Variants in PDGFRL observed in about 807,000 individuals in gnomAD.
PDGFRL encodes the protein platelet-derived growth factor receptor-like protein.
Under a neutral mutation model 37.2 loss-of-function variants are expected in PDGFRL, and 46 were observed. That is an observed-to-expected ratio of 1.24 (90% CI 0.98 to 1.58). The LOEUF is 1.58. Ranked by LOEUF, PDGFRL falls within the 40% of genes most tolerant of loss-of-function variation. PDGFRL has a pLI of 0.00. For missense variants in PDGFRL, 692 were observed against 467.6 expected, an observed-to-expected ratio of 1.48 and a Z score of -4.43; for synonymous variants, 251 against 184.3, an observed-to-expected ratio of 1.36 and a Z score of -2.93.
intron 3 of PDGFRL, among the ~76,000 whole-genome samples, chr8:17,622,558 T>A (rs1393157660): frequency 6.6e-6 from 1 of 152,266 alleles, no homozygotes; most frequent in East Asian, 1.9e-4. Context: ...TAGTAGGGTA[T>A]GCTGCAGTTC....
chr8:17,629,787 A>G (rs1454730289), intron 4 of PDGFRL, among the ~76,000 whole-genome samples: 1 of 151,834 alleles, frequency 6.6e-6, no homozygotes, highest in Non-Finnish European at 1.5e-5. Flanking sequence ...GACAGCAACC[A>G]CCGGGGCTGA....
intron 2 of PDGFRL, among the ~76,000 whole-genome samples, chr8:17,613,209 C>T (rs1290739554): frequency 6.6e-6 from 1 of 152,048 alleles, no homozygotes; most frequent in Non-Finnish European, 1.5e-5. Flanking sequence ...GGCCTTTGTT[C>T]CAGGTGGTTG....
At chr8:17,621,530 C>G (rs906621510) in intron 3 of PDGFRL, among the ~76,000 whole-genome samples, 1 of 152,042 alleles carries the variant, frequency 6.6e-6, no homozygotes, top group Admixed American at 6.6e-5. Context: ...GGGTCTGTCC[C>G]TGCACTCCCC....
chr8:17,619,774 C>T (rs866589961), intron 2 of PDGFRL, among the ~76,000 whole-genome samples: 70 of 152,314 alleles, frequency 4.6e-4, no homozygotes, highest in African/African-American at 1.4e-3. Context: ...GAAAGCAAAA[C>T]ACCAGGCCAA....
intron 2 of PDGFRL, among the ~76,000 whole-genome samples, chr8:17,609,930 A>G (rs952473335): frequency 6.6e-6 from 1 of 152,170 alleles, no homozygotes; most frequent in Non-Finnish European, 1.5e-5. Flanking sequence ...TTTACCATCA[A>G]AGTGGCATTG....
rs981276942 is a variant in PDGFRL, at chr8:17,612,877, G to A, written c.354-8174G>A. 1.3e-5 allele frequency among the ~76,000 whole-genome samples: 2 copies of A among 152,046 alleles called. 1 individual carries two copies. The highest frequency in any genetic ancestry group is 1.3e-4 in the Admixed American group (2 of 15,258). On this transcript the variant is annotated intron_variant, in intron 2 of 5. Transcript: ENST00000251630. ...TAATGACTAACTTTCCCCCTAATCT[G>A]TTGTGAATATTTTTTATGTGTAAAG...
rs753701739 is a variant in PDGFRL, at chr8:17,634,210, G to A, written c.936G>A (p.Gln312=). ...EVEFTWIFPG[Q]KDERPVTIQD... is the part of the protein sequence containing the mutation. ...AGTTCACCTGGATCTTCCCAGGGCA[G>A]AAGGTAAGTGTTGTACCTGCATCTC... The change falls in exon 5 of 6, where the codon CAG becomes CAA. Residue 312 remains glutamine (Q), a synonymous_variant. Coordinates refer to ENST00000251630, the MANE Select transcript of PDGFRL (RefSeq NM_001372073.1). 2.5e-6 allele frequency: 4 copies of A among 1,611,026 alleles called. No homozygotes were observed. Among genetic ancestry groups the A allele is most frequent in the African/African-American group, 1.3e-5 (1 of 74,864 alleles).
In PDGFRL at chr8:17,642,712, T is replaced by G; in HGVS notation, c.1039T>G (p.Phe347Val). The change falls in exon 6 of 6, where the codon TTT (phenylalanine) becomes GTT (valine). Residue 347 changes from phenylalanine (F) to valine (V), a missense_variant. Physicochemically the swap from Phe to Val is conservative, Grantham distance 50. Transcript: ENST00000251630. ...ISQSVITVED[F>V]ETIDAGYYIC... ...CCAGAGTGTCATTACAGTGGAAGAC[T>G]TTGAGACGATTGATGCAGGATATTA... is the stretch of plus-strand genomic sequence containing the variant. 1 of 1,605,998 alleles carries G rather than the reference T, an allele frequency of 6.2e-7. No individual in the cohort carries two copies. Among genetic ancestry groups the G allele is most frequent in the Non-Finnish European group, 8.5e-7 (1 of 1,172,532 alleles).
chr8:17,589,631 TA>T lies in PDGFRL; in HGVS notation c.222del (p.Gly75ValfsTer10). 6.2e-7 allele frequency: 1 copy of T among 1,613,996 alleles called. No homozygotes were observed. Among genetic ancestry groups the T allele is most frequent in the Non-Finnish European group, 8.5e-7 (1 of 1,179,958 alleles). ...AGTCTATCATGATGCAAGTGCTGGA[TA>T]AAGGTCGCTTCCAGAAACCCGCCGC... is the stretch of plus-strand genomic sequence containing the variant. ...TQSIMMQVLD[K>X]GRFQKPAATL... On this transcript the variant is annotated frameshift_variant, in exon 2 of 6. Transcript: ENST00000251630. LOFTEE classifies it high-confidence loss of function.
rs188087132 is a variant in PDGFRL, at chr8:17,590,263, A to T, written c.353+498A>T. On this transcript the variant is annotated intron_variant, in intron 2 of 5. Coordinates refer to ENST00000251630, the MANE Select transcript of PDGFRL (RefSeq NM_001372073.1). ...AAAAAAAAAAAAAAAAAAATTGCAAATCCTACCAACATTTGCTGAAAGAGT... is the reference window on the plus strand; with the variant it reads ...AAAAAAAAAAAAAAAAAAATTGCAATTCCTACCAACATTTGCTGAAAGAGT... Among the ~76,000 whole-genome samples the T allele has an allele frequency of 1.0e-4, 15 of 146,330 alleles. No individual in the cohort carries two copies. In the East Asian group the frequency reaches 2.4e-3, roughly 23 times the overall value.
chr8:17,632,159 TCC>T (rs1804875153), intron 4 of PDGFRL, among the ~76,000 whole-genome samples: 1 of 152,174 alleles, frequency 6.6e-6, no homozygotes, highest in South Asian at 2.1e-4. Flanking sequence ...CTAACCTCCC[TCC>T]TCCTCCCGAT....
chr8:17,596,845 C>G (rs1245368249), intron 2 of PDGFRL, among the ~76,000 whole-genome samples: 1 of 152,180 alleles, frequency 6.6e-6, no homozygotes, highest in African/African-American at 2.4e-5. Flanking sequence ...TATTTCACAC[C>G]AGAGATTCAA....
intron 2 of PDGFRL, among the ~76,000 whole-genome samples, chr8:17,597,897 T>G (rs73563780): frequency 0.026 from 3,986 of 152,296 alleles, 149 homozygotes; most frequent in African/African-American, 0.079. Flanking sequence ...TAACCTGCAG[T>G]GATTTCATAT....
At chr8:17,605,526 G>T (rs559013878) in intron 2 of PDGFRL, among the ~76,000 whole-genome samples, 1 of 152,296 alleles carries the variant, frequency 6.6e-6, no homozygotes, top group African/African-American at 2.4e-5. Context: ...CTTCCAGGGT[G>T]TAAAGCCAGA....
At chr8:17,579,944 T>G (rs1191323645) in intron 1 of PDGFRL, among the ~76,000 whole-genome samples, 1 of 152,202 alleles carries the variant, frequency 6.6e-6, no homozygotes, top group Non-Finnish European at 1.5e-5. Context: ...AGCATTTATA[T>G]GGAATACATG....
At chr8:17,588,196 G>A (rs936526683) in intron 1 of PDGFRL, among the ~76,000 whole-genome samples, 1 of 152,184 alleles carries the variant, frequency 6.6e-6, no homozygotes, top group Non-Finnish European at 1.5e-5. Context: ...GAGACATTTT[G>A]TTGGTGAAAT....
At chr8:17,581,496 T>C (rs1038529449) in intron 1 of PDGFRL, among the ~76,000 whole-genome samples, 2 of 152,156 alleles carry the variant, frequency 1.3e-5, no homozygotes, top group South Asian at 4.1e-4. Context: ...CCACATCTTA[T>C]GTTGAATTTT....
chr8:17,576,877 A>G (rs143013415), upstream of PDGFRL: 119 of 256,780 alleles, frequency 4.6e-4, no homozygotes, highest in African/African-American at 2.5e-3. Context: ...CATTTGGACA[A>G]TCGTGGTTAA....
At chr8:17,596,034 C>A (rs1220345148) in intron 2 of PDGFRL, among the ~76,000 whole-genome samples, 2 of 152,196 alleles carry the variant, frequency 1.3e-5, no homozygotes, top group African/African-American at 4.8e-5. Context: ...TGGGTGGGGC[C>A]TCCACAGACT....
Sources: gnomAD v4.1 joint callset for allele counts (sites outside exome capture counted in the v4.1 genomes callset) on GRCh38, gnomAD v4.1.1 for gene constraint, MANE v1.5 for transcripts, NCBI Gene and HGNC (gene_info 2026-07-23, HGNC 2026-07-21) for gene names.